Variants in PRKN observed in about 807,000 individuals in gnomAD.
PRKN encodes E3 ubiquitin-protein ligase parkin.
Under a neutral mutation model 59.5 loss-of-function variants are expected in PRKN, and 56 were observed. The ratio of observed to expected loss-of-function variants is 0.94; its 90% CI spans 0.76 to 1.18. PRKN has a LOEUF of 1.18. PRKN is among the 50% of genes most tolerant of loss of function. The pLI, the probability that PRKN is intolerant of heterozygous loss-of-function variation, is 0.00. For synonymous variants in PRKN, 250 were observed against 222.1 expected (o/e 1.13, Z -1.12); for missense variants, 657 against 596.4 (o/e 1.10, Z -1.06).
intron 7 of PRKN, among the ~76,000 whole-genome samples, chr6:161,657,446 G>A (rs951248739): frequency 6.6e-6 from 1 of 152,170 alleles, no homozygotes; most frequent in Admixed American, 6.5e-5. Flanking sequence ...GAGCATTCAA[G>A]ACCCTGTGTG....
chr6:162,644,533 T>A (rs1458166469), intron 1 of PRKN, among the ~76,000 whole-genome samples: 1 of 152,128 alleles, frequency 6.6e-6, no homozygotes, highest in African/African-American at 2.4e-5. Context: ...TCCCAAAGCC[T>A]TAACCTTCCA....
chr6:162,449,212 T>A (rs755509894), intron 1 of PRKN, among the ~76,000 whole-genome samples: 1 of 152,060 alleles, frequency 6.6e-6, no homozygotes. Context: ...GATAATTGCA[T>A]CTACTAGCAT....
intron 1 of PRKN, among the ~76,000 whole-genome samples, chr6:162,625,487 C>A (rs923909602): frequency 1.3e-5 from 2 of 152,166 alleles, no homozygotes; most frequent in Non-Finnish European, 2.9e-5. Flanking sequence ...TGTTCAGGAA[C>A]CTAAGATGAG....
chr6:161,773,595 T>G (rs1368095881), intron 7 of PRKN, among the ~76,000 whole-genome samples: 4 of 152,154 alleles, frequency 2.6e-5, no homozygotes, highest in Non-Finnish European at 4.4e-5. Context: ...GTAGCTACCT[T>G]AAGTACTGAC....
chr6:162,418,613 A>AGTGTGTGTGTGTGT (rs140621171), intron 2 of PRKN, among the ~76,000 whole-genome samples: 2,299 of 126,336 alleles, frequency 0.018, 83 homozygotes, highest in East Asian at 0.04. Context: ...AGGGACAGAC[A>AGTGTGTGTGTGTGT]GTGTGTGTGT....
At chr6:162,562,830 G>A (rs1020538269) in intron 1 of PRKN, among the ~76,000 whole-genome samples, 2 of 152,198 alleles carry the variant, frequency 1.3e-5, no homozygotes, top group Admixed American at 6.5e-5. Context: ...AGGGCCTTGA[G>A]TGAACATAGG....
chr6:161,727,029 A>G (rs6934779), intron 7 of PRKN, among the ~76,000 whole-genome samples: 34,371 of 152,128 alleles, frequency 0.23, 10,141 homozygotes, highest in African/African-American at 0.69. Context: ...CCCTGCCTGT[A>G]GTGTCTGGAC....
intron 6 of PRKN, among the ~76,000 whole-genome samples, chr6:161,818,929 A>T (rs898816559): frequency 3.3e-5 from 5 of 152,074 alleles, no homozygotes; most frequent in Non-Finnish European, 5.9e-5. Flanking sequence ...ACAGGTGAAG[A>T]GGGCCTTATC....
At chr6:162,351,161 G>A (rs536009104) in intron 2 of PRKN, among the ~76,000 whole-genome samples, 15 of 152,086 alleles carry the variant, frequency 9.9e-5, no homozygotes, top group Non-Finnish European at 2.1e-4. Context: ...ACTGTACTCC[G>A]GCCTGGGCCA....
chr6:162,465,520 T>C (rs753745838), intron 1 of PRKN, among the ~76,000 whole-genome samples: 13 of 152,204 alleles, frequency 8.5e-5, no homozygotes, highest in Non-Finnish European at 1.9e-4. Flanking sequence ...TAATAGGATG[T>C]CAGAAGAAGC....
intron 1 of PRKN, among the ~76,000 whole-genome samples, chr6:162,675,248 CA>C (rs1386498948): frequency 1.3e-5 from 2 of 151,994 alleles, no homozygotes; most frequent in African/African-American, 4.8e-5. Flanking sequence ...TAGGGTTTCA[CA>C]ACGTTGGCCA....
intron 2 of PRKN, among the ~76,000 whole-genome samples, chr6:162,342,856 C>T (rs985797164): frequency 6.6e-6 from 1 of 152,076 alleles, no homozygotes; most frequent in African/African-American, 2.4e-5. Context: ...CTACTGATTA[C>T]AGAAATCTTT....
At chr6:162,360,526 A>C (rs1451801025) in intron 2 of PRKN, among the ~76,000 whole-genome samples, 1 of 152,216 alleles carries the variant, frequency 6.6e-6, no homozygotes, top group Non-Finnish European at 1.5e-5. Context: ...ATACAGTCAG[A>C]CATCTTTTCT....
intron 1 of PRKN, among the ~76,000 whole-genome samples, chr6:162,627,130 G>T (rs1782928089): frequency 6.6e-6 from 1 of 152,106 alleles, no homozygotes; most frequent in African/African-American, 2.4e-5. Context: ...CTTCAAGGAG[G>T]GAGTAACTAA....
chr6:162,313,687 A>G (rs1161372735), intron 2 of PRKN, among the ~76,000 whole-genome samples: 1 of 151,970 alleles, frequency 6.6e-6, no homozygotes, highest in South Asian at 2.1e-4. Context: ...GGGTTTCATC[A>G]TGTTGGCTAG....
At chr6:161,720,456 C>T (rs994241671) in intron 7 of PRKN, among the ~76,000 whole-genome samples, 2 of 152,070 alleles carry the variant, frequency 1.3e-5, no homozygotes, top group Non-Finnish European at 2.9e-5. Flanking sequence ...TCTGGAAGCA[C>T]ATCTGGAGGC....
chr6:161,842,259 G>A (rs1015899581), intron 6 of PRKN, among the ~76,000 whole-genome samples: 2 of 152,080 alleles, frequency 1.3e-5, no homozygotes, highest in Non-Finnish European at 2.9e-5. Context: ...AGCACTTTGG[G>A]AGGCCAAGGC....
intron 4 of PRKN, among the ~76,000 whole-genome samples, chr6:162,153,808 A>G (rs2187199): frequency 0.97 from 148,252 of 152,084 alleles, 72,337 homozygotes; most frequent in Non-Finnish European, 1. Flanking sequence ...AAGCCAATTC[A>G]CCTCTCCCCA....
At chr6:161,485,661 A>G (rs1307841680) in intron 9 of PRKN, among the ~76,000 whole-genome samples, 1 of 152,160 alleles carries the variant, frequency 6.6e-6, no homozygotes, top group African/African-American at 2.4e-5. Flanking sequence ...ATTAGTTAGA[A>G]ATCAAAATTT....
Sources: gnomAD v4.1 joint callset for allele counts (sites outside exome capture counted in the v4.1 genomes callset) on GRCh38, gnomAD v4.1.1 for gene constraint, MANE v1.5 for transcripts, NCBI Gene and HGNC (gene_info 2026-07-23, HGNC 2026-07-21) for gene names.